Variants in CNOT1 observed in about 807,000 individuals in gnomAD.
CNOT1 encodes the protein CCR4-associated factor 1.
CNOT1 carries 15 observed loss-of-function variants against 273.8 expected under a neutral mutation model. The ratio of observed to expected loss-of-function variants is 0.05; its 90% confidence interval spans 0.04 to 0.08. The LOEUF is 0.08. Among genes scored for constraint, CNOT1 ranks in the 10% least tolerant of loss-of-function variants. CNOT1 has a pLI of 1.00. For synonymous variants in CNOT1, 1,022 were observed against 1,005.5 expected (o/e 1.02, Z -0.31); for missense variants, 1,644 against 2,912.2 (o/e 0.56, Z 10.02).
At chr16:58,540,056 C>T in intron 34 of CNOT1, 97 bp from the exon 35 acceptor site, 1 of 1,248,740 alleles carries the variant, frequency 8.0e-7, no homozygotes, top group Admixed American at 2.5e-5. Flanking sequence ...TATGTTTACT[C>T]CCTTTTTCTT....
chr16:58,600,272 A>AGGGATGTGGAGGTTAC (rs11276191), intron 1 of CNOT1, among the ~76,000 whole-genome samples: 2 of 151,840 alleles, frequency 1.3e-5, no homozygotes, highest in African/African-American at 4.8e-5. Context: ...TGCTTGAACC[A>AGGGATGTGGAGGTTAC]GGTGAGCCGA....
At chr16:58,551,480 T>TAAA (rs1304857399) in intron 23 of CNOT1, 109 bp downstream of exon 23, 1 of 1,325,144 alleles carries the variant, frequency 7.5e-7, no homozygotes, top group Non-Finnish European at 1.0e-6. Flanking sequence ...CAGTCTTTTA[T>TAAA]ATCTTTTTTA....
chr16:58,576,376 G>C, intron 14 of CNOT1, 87 bp downstream of exon 14: 1 of 1,571,090 alleles, frequency 6.4e-7, no homozygotes, highest in South Asian at 1.1e-5. Context: ...CTCCCAAAGT[G>C]CTGGGATTAC....
At chr16:58,590,881 C>A (rs970591077) in intron 2 of CNOT1, among the ~76,000 whole-genome samples, 1 of 152,220 alleles carries the variant, frequency 6.6e-6, no homozygotes, top group African/African-American at 2.4e-5. Context: ...GTATATGCTA[C>A]GTACTAGTCT....
intron 2 of CNOT1, among the ~76,000 whole-genome samples, chr16:58,594,746 C>CA (rs556836416): frequency 6.7e-6 from 1 of 150,040 alleles, no homozygotes; most frequent in Non-Finnish European, 1.5e-5. Flanking sequence ...GGATTGCAGT[C>CA]AGCTGAGATT....
At position 58,534,136 on chromosome 16, in the gene CNOT1, G is replaced by C; in HGVS notation, c.5895+11C>G. On this transcript the variant is annotated intron_variant, in intron 40 of 48. Coordinates refer to ENST00000317147, the MANE Select transcript of CNOT1 (RefSeq NM_016284.5). ...TGTAGACCAAGACTAAGGCAAGAAA[G>C]GATTTCAGACCTTGTTCAGCAGATT... The C allele has an allele frequency of 6.2e-7, 1 of 1,611,704 alleles. No individual in the cohort carries two copies. The highest frequency in any genetic ancestry group is 1.1e-5 in the South Asian group (1 of 90,964).
Position 58,602,410 on chromosome 16 carries a change from G to A in CNOT1, c.-174-2899C>T, listed in dbSNP as rs552176587. The stretch of plus-strand genomic sequence containing the variant: ...TGGCTTAAAAAACCATCTGTAGGCC[G>A]GGTGTGGTGGTGCACACCTATAATC... On this transcript the variant is annotated intron_variant, in intron 1 of 48. Coordinates refer to ENST00000317147, the MANE Select transcript of CNOT1 (RefSeq NM_016284.5). Among the ~76,000 whole-genome samples the A allele has an allele frequency of 4.6e-5, 7 of 151,938 alleles. No individual in the cohort carries two copies. In the South Asian group the frequency reaches 1.0e-3, roughly 23 times the overall value.
chr16:58,523,287 C>T, intron 47 of CNOT1, 83 bp downstream of exon 47: 1 of 1,387,630 alleles, frequency 7.2e-7, no homozygotes, highest in Non-Finnish European at 9.7e-7. Context: ...TTTCACTGAA[C>T]ACTGAAAGCA....
chr16:58,598,994 T>A (rs985136006), intron 2 of CNOT1: 76 of 329,826 alleles, frequency 2.3e-4, no homozygotes, highest in Admixed American at 6.2e-4. Context: ...GAGGATGCAG[T>A]GAGCCGAGAT....
Position 58,599,222 on chromosome 16 carries a change from G to T in CNOT1, c.102+14C>A. The T allele has an allele frequency of 6.2e-7, 1 of 1,613,972 alleles. No homozygotes were observed. Among genetic ancestry groups the T allele is most frequent in the Non-Finnish European group, 8.5e-7 (1 of 1,179,986 alleles). On this transcript the variant is annotated intron_variant, in intron 2 of 48. Coordinates refer to ENST00000317147, the MANE Select transcript of CNOT1 (RefSeq NM_016284.5). ...TTCCTTTAATGGCACTTGTTTTCTG[G>T]CTAGTTTACTTACATGCTGTATTTC...
intron 16 of CNOT1, among the ~76,000 whole-genome samples, chr16:58,571,393 T>C (rs370997849): frequency 4.0e-5 from 6 of 151,572 alleles, no homozygotes; most frequent in African/African-American, 1.5e-4. Flanking sequence ...CCATCTGTAC[T>C]AAAAGTACAA....
chr16:58,608,152 G>A (rs569686018), intron 1 of CNOT1, among the ~76,000 whole-genome samples: 1 of 151,792 alleles, frequency 6.6e-6, no homozygotes. Context: ...CTCCAGCCAG[G>A]GTGACAGAGC....
Position 58,582,884 on chromosome 16 carries a change from C to A in CNOT1, c.953G>T (p.Ser318Ile), listed in dbSNP as rs749306483. The A allele has an allele frequency of 8.1e-6, 13 of 1,611,698 alleles. No homozygotes were observed. In the South Asian group the frequency reaches 1.4e-4, roughly 18 times the overall value. Residue 318 changes from serine (S) to isoleucine (I), a missense_variant, in exon 10 of 49, where the codon AGT becomes ATT. By Grantham distance (142) the Ser-to-Ile change is moderately radical. Transcript: ENST00000317147. ...ATCTTTCCCATCACTCCAGATCCCA[C>A]TGCCCGGAGCAGAAATACTCTGTAG... is the stretch of plus-strand genomic sequence containing the variant. ...IPLQSISAPGSGIWSDGKDKS... is the reference protein window; with the variant it reads ...IPLQSISAPGIGIWSDGKDKS...
In CNOT1 at chr16:58,551,270, A is replaced by T. The variant is rs2040439002; in HGVS notation, c.3204T>A (p.Pro1068=). ...TGVSFKKDVP[P]SINTTNIDTL... The stretch of plus-strand genomic sequence containing the variant: ...TATCTATATTTGTAGTATTAATAGA[A>T]GGCTAAAAAAAAAAAATAAAGTACA... Residue 1068 remains proline, a splice_region_variant and synonymous_variant, in exon 24 of 49, where the codon CCT becomes CCA. Coordinates refer to ENST00000317147, the MANE Select transcript of CNOT1 (RefSeq NM_016284.5). The T allele has an allele frequency of 6.4e-7, 1 of 1,565,508 alleles. No individual in the cohort carries two copies.
intron 25 of CNOT1, among the ~76,000 whole-genome samples, chr16:58,548,848 T>C (rs1597438582): frequency 6.6e-6 from 1 of 152,344 alleles, no homozygotes. Flanking sequence ...TCTAAAGATA[T>C]CTTGCACTTG....
chr16:58,628,721 T>C (rs969187885), intron 1 of CNOT1, among the ~76,000 whole-genome samples: 2 of 152,080 alleles, frequency 1.3e-5, no homozygotes, highest in African/African-American at 4.8e-5. Flanking sequence ...TCCTAAGAAA[T>C]GTGACATTTG....
chr16:58,532,418 CT>C (rs770973598), intron 40 of CNOT1, 23 bp from the exon 41 acceptor site: 2 of 1,604,692 alleles, frequency 1.2e-6, no homozygotes, highest in African/African-American at 2.7e-5. Flanking sequence ...CAAATCAGAG[CT>C]TGTAAATCAT....
chr16:58,591,032 G>A (rs1005407682), intron 2 of CNOT1, among the ~76,000 whole-genome samples: 2 of 152,204 alleles, frequency 1.3e-5, no homozygotes, highest in Admixed American at 6.6e-5. Context: ...TAACATTGAT[G>A]CAGGCGGTTA....
In CNOT1 at chr16:58,537,976, C is replaced by T. The variant is rs758935236; in HGVS notation, c.5329G>A (p.Ala1777Thr). Residue 1777 changes from alanine to threonine, a missense_variant, in exon 38 of 49, where the codon GCT becomes ACT. Around this residue, in one of 13 missense-constraint regions of CNOT1, gnomAD observed 170 missense variants for 273.1 expected, o/e 0.62. Coordinates refer to ENST00000317147, the MANE Select transcript of CNOT1 (RefSeq NM_016284.5). ...KILLVDERSV[A>T]HVTEADLFHT... is the part of the protein sequence containing the mutation. ...AACAGATCTGCCTCAGTAACATGAG[C>T]AACACTCCTTTCATCCACCAGCAGG... 6.2e-7 allele frequency: 1 copy of T among 1,614,138 alleles called. No individual in the cohort carries two copies. The highest frequency in any genetic ancestry group is 1.1e-5 in the South Asian group (1 of 91,080).
Sources: allele counts gnomAD v4.1 joint callset (sites outside exome capture counted in the v4.1 genomes callset), GRCh38; gene constraint gnomAD v4.1.1; regional missense constraint gnomAD v4.1.1; transcripts MANE v1.5; gene names NCBI Gene and HGNC (gene_info 2026-07-23, HGNC 2026-07-21).